SERPINB8: variants seen among roughly 807,000 people sequenced by gnomAD.
SERPINB8 encodes serpin family B member 8.
SERPINB8 carries 25 observed loss-of-function variants against 35.3 expected under a neutral mutation model. The observed-to-expected ratio is 0.71, with a 90% confidence interval of 0.52 to 0.99. SERPINB8 has a LOEUF of 0.99. SERPINB8 is among the 50% of genes least tolerant of loss of function. SERPINB8 has a pLI of 0.00. For missense variants in SERPINB8, 484 were observed against 446.5 expected, an observed-to-expected ratio of 1.08 and a Z score of -0.76; for synonymous variants, 186 against 160.8, an observed-to-expected ratio of 1.16 and a Z score of -1.19.
chr18:64,009,969 A>C (rs947150211), downstream of SERPINB8, among the ~76,000 whole-genome samples: 3 of 152,142 alleles, frequency 2.0e-5, no homozygotes, highest in Non-Finnish European at 4.4e-5. Flanking sequence ...TTACTTTAAA[A>C]ATATATCATA....
chr18:63,996,963 C>G (rs9951343), intron 1 of SERPINB8, among the ~76,000 whole-genome samples: 24,222 of 152,166 alleles, frequency 0.16, 2,094 homozygotes, highest in Middle Eastern at 0.3. Context: ...CAATGGGGCC[C>G]ATTCAACAGG....
intron 7 of SERPINB8, among the ~76,000 whole-genome samples, chr18:64,012,688 G>A (rs2050931108): frequency 6.6e-6 from 1 of 151,978 alleles, no homozygotes; most frequent in South Asian, 2.1e-4. Flanking sequence ...GCTCTTCTGA[G>A]TGTCAATCTT....
intron 1 of SERPINB8, among the ~76,000 whole-genome samples, chr18:63,972,823 C>T (rs970132029): frequency 2.1e-4 from 32 of 152,066 alleles, no homozygotes; most frequent in Non-Finnish European, 4.4e-4. Flanking sequence ...ATGAACTCAT[C>T]GTTTTTTTAT....
chr18:63,972,018 G>GT (rs1277388482), intron 1 of SERPINB8, among the ~76,000 whole-genome samples: 1 of 151,390 alleles, frequency 6.6e-6, no homozygotes, highest in Non-Finnish European at 1.5e-5. Flanking sequence ...TTGATATGTG[G>GT]TTTTAATAAG....
downstream of SERPINB8, among the ~76,000 whole-genome samples, chr18:64,008,383 C>G (rs1210816912): frequency 6.6e-6 from 1 of 152,008 alleles, no homozygotes. Context: ...GCTGGGATTA[C>G]AGGCCCCTGC....
chr18:64,001,509 A>T, intron 1 of SERPINB8, among the ~76,000 whole-genome samples: 1 of 100,074 alleles, frequency 1.0e-5, no homozygotes, highest in African/African-American at 4.3e-5. Context: ...ATTTACTTAG[A>T]GACAGAGTTC....
At chr18:64,001,475 G>GTTTGTTTGTTTATTTATTTA (rs1555716935) in intron 1 of SERPINB8, among the ~76,000 whole-genome samples, 20 of 146,916 alleles carry the variant, frequency 1.4e-4, no homozygotes, top group African/African-American at 4.2e-4. Context: ...TTGTTTGTTT[G>GTTTGTTTGTTTATTTATTTA]TTTATTTATT....
intron 1 of SERPINB8, among the ~76,000 whole-genome samples, chr18:63,972,980 A>C (rs2050515671): frequency 6.6e-6 from 1 of 152,198 alleles, no homozygotes; most frequent in African/African-American, 2.4e-5. Context: ...TAGTAGCATG[A>C]TTTATAATCC....
Position 63,977,510 on chromosome 18 carries a change from T to C in SERPINB8, c.-10-789T>C, listed in dbSNP as rs150644490. Among the ~76,000 whole-genome samples the C allele has an allele frequency of 6.5e-4, 99 of 152,190 alleles. No individual in the cohort carries two copies. The East Asian group carries it at 0.019, about 29-fold the overall frequency. On this transcript the variant is annotated intron_variant, in intron 1 of 6. Coordinates refer to ENST00000397985, the MANE Select transcript of SERPINB8 (RefSeq NM_002640.4). ...GCCTGGATAATTTTTGAATTTTCAA[T>C]AGAGATGGGGTTTCACCTTGTTGGC...
downstream of SERPINB8, among the ~76,000 whole-genome samples, chr18:63,991,274 G>T (rs1362270563): frequency 1.3e-5 from 2 of 152,126 alleles, no homozygotes; most frequent in African/African-American, 4.8e-5. Flanking sequence ...TTTTGATTAG[G>T]ACTGTGTGAA....
downstream of SERPINB8, among the ~76,000 whole-genome samples, chr18:63,994,371 A>T (rs1300189518): frequency 6.6e-6 from 1 of 151,674 alleles, no homozygotes. Context: ...TTGACAAAGG[A>T]GCTGAGTGGT....
chr18:64,013,522 A>G (rs1333846040), intron 7 of SERPINB8, among the ~76,000 whole-genome samples: 1 of 152,190 alleles, frequency 6.6e-6, no homozygotes, highest in Non-Finnish European at 1.5e-5. Flanking sequence ...TCACATGCCA[A>G]CAGATTGCTA....
At chr18:63,999,199 T>A (rs891763610) in intron 1 of SERPINB8, among the ~76,000 whole-genome samples, 1 of 152,198 alleles carries the variant, frequency 6.6e-6, no homozygotes, top group African/African-American at 2.4e-5. Context: ...TAGGCCTGAC[T>A]CAGGCAGCTG....
intron 3 of SERPINB8, among the ~76,000 whole-genome samples, chr18:63,981,112 C>T (rs537783440): frequency 5.0e-4 from 76 of 152,256 alleles, no homozygotes; most frequent in Non-Finnish European, 9.4e-4. Context: ...CACTCATGCA[C>T]ACAGATGTTC....
intron 7 of SERPINB8, among the ~76,000 whole-genome samples, chr18:64,011,349 G>C (rs2050925128): frequency 6.6e-6 from 1 of 152,052 alleles, no homozygotes; most frequent in Admixed American, 6.6e-5. Flanking sequence ...AAGCAGAAAT[G>C]CTGTCATTTG....
exon 2 of SERPINB8, chr18:64,004,921 T>G (rs1322158904): frequency 2.5e-6 from 1 of 398,300 alleles, no homozygotes; most frequent in Admixed American, 4.4e-5. Context: ...TTGAGGGATA[T>G]TCTACCAAAT....
intron 7 of SERPINB8, among the ~76,000 whole-genome samples, chr18:64,018,088 G>A (rs2050958835): frequency 6.6e-6 from 1 of 152,152 alleles, no homozygotes; most frequent in African/African-American, 2.4e-5. Context: ...AATTGAATGA[G>A]TGAGCTTTCC....
At chr18:63,980,421 A>G (rs984393091) in intron 3 of SERPINB8, among the ~76,000 whole-genome samples, 1 of 152,238 alleles carries the variant, frequency 6.6e-6, no homozygotes. Flanking sequence ...ATATAATTCC[A>G]AGGTTCCCTA....
chr18:63,973,563 G>A (rs2050528153), intron 1 of SERPINB8, among the ~76,000 whole-genome samples: 1 of 152,258 alleles, frequency 6.6e-6, no homozygotes, highest in Admixed American at 6.5e-5. Context: ...TGAAGTCCTT[G>A]CCCATGGCTA....
Sources: allele counts gnomAD v4.1 joint callset (sites outside exome capture counted in the v4.1 genomes callset), GRCh38; gene constraint gnomAD v4.1.1; transcripts MANE v1.5; gene names NCBI Gene and HGNC (gene_info 2026-07-23, HGNC 2026-07-21).